The following POP1 variants were observed in gnomAD, a reference collection of about 807,000 sequenced individuals.
The protein encoded by POP1 is ribonucleases P/MRP protein subunit POP1.
POP1 carries 75 observed loss-of-function variants against 102.2 expected under a neutral mutation model. That is an observed-to-expected ratio of 0.73 (90% CI 0.61 to 0.89). The LOEUF is 0.89. Ranked by LOEUF, POP1 falls within the 40% of genes least tolerant of loss-of-function variation. The probability of loss-of-function intolerance (pLI) is 0.00; values close to 1 mark genes in which losing one functional copy is unlikely to be tolerated. For missense variants in POP1, 1,116 were observed against 1,267.4 expected (o/e 0.88, Z 1.81); for synonymous variants, 436 against 464.1 (o/e 0.94, Z 0.78).
intron 5 of POP1, among the ~76,000 whole-genome samples, chr8:98,132,664 G>C (rs1018304255): frequency 2.0e-5 from 3 of 152,108 alleles, no homozygotes; most frequent in Non-Finnish European, 4.4e-5. Flanking sequence ...CAGTGTCCTT[G>C]TCTGTCAGAT....
chr8:98,130,611 C>T (rs911216790), intron 5 of POP1, among the ~76,000 whole-genome samples: 1 of 152,074 alleles, frequency 6.6e-6, no homozygotes, highest in Non-Finnish European at 1.5e-5. Context: ...TTCTGTGTGA[C>T]AGAGAAGAAG....
At chr8:98,148,274 A>T (rs1809410687) in intron 12 of POP1, among the ~76,000 whole-genome samples, 1 of 152,182 alleles carries the variant, frequency 6.6e-6, no homozygotes, top group Non-Finnish European at 1.5e-5. Flanking sequence ...CTAAACAGTG[A>T]TAGCCCTCTT....
At position 98,140,860 on chromosome 8, in the gene POP1, A is replaced by C. The variant is rs17184326; in HGVS notation, c.1566A>C (p.Lys522Asn). 0.13 allele frequency: 202,965 copies of C among 1,611,578 alleles called. 13,929 individuals are homozygous for C. Among genetic ancestry groups the C allele is most frequent in the Middle Eastern group, 0.19 (1,127 of 6,050 alleles). Reference protein sequence around the residue: ...PRINLPQKKSKALPNPEKCQD... With the variant: ...PRINLPQKKSNALPNPEKCQD... Reference sequence around the variant, plus strand: ...TAAATTTGCCCCAAAAGAAGTCCAAAGCTTTGCCCAATCCAGAAAAATGCC... The same window carrying C: ...TAAATTTGCCCCAAAAGAAGTCCAACGCTTTGCCCAATCCAGAAAAATGCC... Residue 522 changes from lysine to asparagine, a missense_variant, in exon 11 of 16, where the codon AAA (lysine) becomes AAC (asparagine). By Grantham distance (94) the Lys-to-Asn change is moderately conservative. Coordinates refer to ENST00000401707, the MANE Select transcript of POP1 (RefSeq NM_001145860.2).
At chr8:98,132,053 A>G (rs1374471121) in intron 5 of POP1, among the ~76,000 whole-genome samples, 1 of 152,214 alleles carries the variant, frequency 6.6e-6, no homozygotes, top group African/African-American at 2.4e-5. Context: ...CATTTTGGGC[A>G]TAATTTTTGC....
intron 6 of POP1, 94 bp from the exon 7 acceptor site, chr8:98,134,378 T>C (rs1816469876): frequency 7.6e-7 from 1 of 1,318,720 alleles, no homozygotes; most frequent in Admixed American, 1.7e-5. Flanking sequence ...TCACCTCTCA[T>C]GGAGGCAGAC....
At chr8:98,145,284 A>G (rs914624718) in intron 11 of POP1, among the ~76,000 whole-genome samples, 1 of 152,204 alleles carries the variant, frequency 6.6e-6, no homozygotes, top group Non-Finnish European at 1.5e-5. Context: ...ACTATGGCCC[A>G]GTTGCTTCCA....
chr8:98,150,672 A>G, intron 14 of POP1, 33 bp downstream of exon 14: 1 of 1,605,234 alleles, frequency 6.2e-7, no homozygotes, highest in Non-Finnish European at 8.5e-7. Context: ...TTGATAATGT[A>G]TTAAGGAAAA....
intron 3 of POP1, among the ~76,000 whole-genome samples, chr8:98,128,137 C>A (rs1338734515): frequency 6.6e-6 from 1 of 152,168 alleles, no homozygotes; most frequent in Non-Finnish European, 1.5e-5. Flanking sequence ...GGGCCTGTCT[C>A]CAGGCCCTTT....
intron 3 of POP1, among the ~76,000 whole-genome samples, chr8:98,127,966 C>T (rs1408874497): frequency 6.6e-6 from 1 of 152,112 alleles, no homozygotes. Context: ...AGTTTCTCTC[C>T]CTGTCTCTTA....
At position 98,123,436 on chromosome 8, in the gene POP1, G is replaced by A; in HGVS notation, c.99G>A (p.Lys33=). Residue 33 remains lysine, a synonymous_variant, in exon 2 of 16, where the codon AAG becomes AAA. Coordinates refer to ENST00000401707, the MANE Select transcript of POP1 (RefSeq NM_001145860.2). ...SSGFVADRGV[K]HHSGGEKPFQ... The stretch of plus-strand genomic sequence containing the variant: ...GCTTTGTGGCTGACAGAGGTGTAAA[G>A]CACCACAGTGGAGGTGAAAAACCTT... The A allele has an allele frequency of 6.2e-7, 1 of 1,614,092 alleles. No homozygotes were observed. Among genetic ancestry groups the A allele is most frequent in the Non-Finnish European group, 8.5e-7 (1 of 1,179,986 alleles).
Position 98,150,485 on chromosome 8 carries a change from A to G in POP1, c.1903A>G (p.Ile635Val). ...AGTATCTTTTTGACATTTCTTTTAGATTTATCGAGGTGTGAGAGTCGGAGG... is the reference window on the plus strand; with the variant it reads ...AGTATCTTTTTGACATTTCTTTTAGGTTTATCGAGGTGTGAGAGTCGGAGG... The part of the protein sequence containing the change: ...GWGMAFWIPF[I>V]YRGVRVGGLK... Residue 635 changes from isoleucine to valine, a missense_variant and splice_region_variant, in exon 14 of 16, where the codon ATT (isoleucine) becomes GTT (valine). Ile to Val is a conservative substitution (Grantham distance 29). Coordinates refer to ENST00000401707, the MANE Select transcript of POP1 (RefSeq NM_001145860.2). The G allele has an allele frequency of 6.2e-7, 1 of 1,613,822 alleles. No individual in the cohort carries two copies. Among genetic ancestry groups the G allele is most frequent in the Non-Finnish European group, 8.5e-7 (1 of 1,179,982 alleles).
At chr8:98,131,526 C>A (rs1329519864) in intron 5 of POP1, among the ~76,000 whole-genome samples, 2 of 152,164 alleles carry the variant, frequency 1.3e-5, no homozygotes, top group South Asian at 4.1e-4. Flanking sequence ...GGCTTACTTC[C>A]ACCTTTTGGC....
rs746037298 is a variant in POP1, at chr8:98,148,977, G to A, written c.1873G>A (p.Gly625Ser). The change falls in exon 13 of 16, where the codon GGC becomes AGC. Residue 625 changes from glycine to serine, a missense_variant. Transcript: ENST00000401707. ...GSGWDVLLPK[G>S]WGMAFWIPFI... ...TGGCTGGGATGTCCTACTCCCAAAG[G>A]GCTGGGGCATGGCTTTCTGGATTCC... is the stretch of plus-strand genomic sequence containing the variant. 7 of 1,613,454 alleles carry A rather than the reference G, an allele frequency of 4.3e-6. No individual in the cohort carries two copies. The South Asian group carries it at 5.5e-5, about 13-fold the overall frequency.
intron 1 of POP1, 23 bp downstream of exon 1, chr8:98,117,413 C>T (rs1427571516): frequency 5.3e-6 from 2 of 377,430 alleles, no homozygotes; most frequent in Non-Finnish European, 9.8e-6. Context: ...GGGCTGGTGC[C>T]TTCCAGGATG....
chr8:98,149,953 T>C (rs1367557887), intron 13 of POP1, among the ~76,000 whole-genome samples: 1 of 152,174 alleles, frequency 6.6e-6, no homozygotes, highest in Non-Finnish European at 1.5e-5. Flanking sequence ...AATTTTTTAC[T>C]ATGAGATGCT....
At chr8:98,120,209 C>T (rs144504603) in intron 1 of POP1, among the ~76,000 whole-genome samples, 1 of 152,310 alleles carries the variant, frequency 6.6e-6, no homozygotes, top group East Asian at 1.9e-4. Flanking sequence ...GCTTCACTAG[C>T]CAGCCAGTTC....
intron 14 of POP1, among the ~76,000 whole-genome samples, chr8:98,153,826 G>A (rs190572738): frequency 5.9e-5 from 9 of 152,056 alleles, no homozygotes; most frequent in Admixed American, 4.6e-4. Flanking sequence ...GTGAGTCACC[G>A]TGCCCGGCCC....
At chr8:98,149,151 A>G in intron 13 of POP1, 145 bp downstream of exon 13, 3 of 774,628 alleles carry the variant, frequency 3.9e-6, no homozygotes, top group Non-Finnish European at 6.4e-6. Context: ...AGTCCTGGAT[A>G]CAAGATACTT....
At position 98,156,233 on chromosome 8, in the gene POP1, C is replaced by G; in HGVS notation, c.2241C>G (p.Pro747=). 1 of 1,613,996 alleles carries G rather than the reference C, an allele frequency of 6.2e-7. No homozygotes were observed. ...GAAGATCTGAGGTGCCTTGTGCTCC[C>G]ATGCCTAAAAAAACTCATCAGCCAT... is the stretch of plus-strand genomic sequence containing the variant. The part of the protein sequence containing the change: ...DLRRSEVPCA[P]MPKKTHQPSD... The change falls in exon 15 of 16, where the codon CCC becomes CCG. Residue 747 remains proline, a synonymous_variant. Transcript: ENST00000401707.
Sources: allele counts gnomAD v4.1 joint callset (sites outside exome capture counted in the v4.1 genomes callset), GRCh38; gene constraint gnomAD v4.1.1; transcripts MANE v1.5; gene names NCBI Gene and HGNC (gene_info 2026-07-23, HGNC 2026-07-21).